RORA: variants seen among roughly 807,000 people sequenced by gnomAD.
The protein encoded by RORA is RAR related orphan receptor A.
RORA carries 7 observed loss-of-function variants against 69.5 expected under a neutral mutation model. The ratio of observed to expected loss-of-function variants is 0.10; its 90% CI spans 0.06 to 0.19. The LOEUF (loss-of-function observed/expected upper bound fraction) is 0.19. Among genes scored for constraint, RORA ranks in the 10% least tolerant of loss-of-function variants. The pLI is 1.00. For synonymous variants in RORA, 261 were observed against 240.8 expected, an observed-to-expected ratio of 1.08 and a Z score of -0.78; for missense variants, 457 against 663.0, an observed-to-expected ratio of 0.69 and a Z score of 3.41.
chr15:60,996,447 T>C (rs1293079790), intron 1 of RORA, among the ~76,000 whole-genome samples: 1 of 152,236 alleles, frequency 6.6e-6, no homozygotes, highest in African/African-American at 2.4e-5. Context: ...ACAAGATCTG[T>C]ATACTTTGTT....
chr15:61,222,868 G>A (rs1438884366), intron 1 of RORA, among the ~76,000 whole-genome samples: 1 of 152,146 alleles, frequency 6.6e-6, no homozygotes, highest in Non-Finnish European at 1.5e-5. Context: ...CAGGATTTAA[G>A]AGCCTCATGC....
intron 1 of RORA, among the ~76,000 whole-genome samples, chr15:60,888,160 CACA>C (rs2073772402): frequency 6.6e-6 from 1 of 152,234 alleles, no homozygotes; most frequent in Admixed American, 6.5e-5. Context: ...CGGCTGGATG[CACA>C]ACACTTCAAT....
intron 5 of RORA, among the ~76,000 whole-genome samples, chr15:60,508,352 T>A (rs1194398587): frequency 1.3e-5 from 2 of 152,320 alleles, no homozygotes; most frequent in Non-Finnish European, 1.5e-5. Context: ...TCTGAGTTAG[T>A]CACAGATTTT....
intron 2 of RORA, among the ~76,000 whole-genome samples, chr15:60,579,216 G>A (rs779598073): frequency 2.6e-5 from 4 of 152,006 alleles, no homozygotes; most frequent in Admixed American, 6.6e-5. Context: ...AATGGTCACC[G>A]TAGTAAAAAG....
In RORA at chr15:60,491,026, C is replaced by T. The variant is rs2065032130; in HGVS notation, c.*6429G>A. The T allele has an allele frequency of 6.6e-6, 1 of 152,218 alleles. No homozygotes were observed. Among genetic ancestry groups the T allele is most frequent in the East Asian group, 1.9e-4 (1 of 5,186 alleles). The allele number at this position is 152,218 out of a possible 1,614,324, so 9.4% of individuals were successfully genotyped here. On this transcript the variant is annotated 3_prime_UTR_variant, in exon 11 of 11. Transcript: ENST00000335670. ...ATTTATAGAAGCAGCCAGCTAATGT[C>T]CTAATGTTTAAAAATTTACCACTGT...
chr15:60,941,992 A>C (rs886744240), intron 1 of RORA, among the ~76,000 whole-genome samples: 16 of 152,312 alleles, frequency 1.1e-4, no homozygotes, highest in East Asian at 3.9e-4. Flanking sequence ...CTATGCATAA[A>C]ATCTGCTAAG....
chr15:60,929,233 T>C (rs1017701885), intron 1 of RORA, among the ~76,000 whole-genome samples: 1 of 152,198 alleles, frequency 6.6e-6, no homozygotes, highest in Non-Finnish European at 1.5e-5. Context: ...CACAGTCTGG[T>C]GCAACATGTT....
At chr15:60,913,970 G>A (rs1467723584) in intron 1 of RORA, among the ~76,000 whole-genome samples, 1 of 152,116 alleles carries the variant, frequency 6.6e-6, no homozygotes, top group East Asian at 1.9e-4. Context: ...TTCTGTTAAT[G>A]TCTGTCTCCC....
intron 5 of RORA, among the ~76,000 whole-genome samples, chr15:60,508,684 C>T (rs2065593054): frequency 6.6e-6 from 1 of 152,158 alleles, no homozygotes; most frequent in Admixed American, 6.5e-5. Flanking sequence ...AGTAGAGAAA[C>T]TACAGCTCGC....
chr15:60,935,649 C>T (rs371351471), intron 1 of RORA, among the ~76,000 whole-genome samples: 18 of 152,150 alleles, frequency 1.2e-4, no homozygotes, highest in Non-Finnish European at 1.6e-4. Context: ...TTATGTTTCC[C>T]GCCTTTTGCT....
intron 1 of RORA, among the ~76,000 whole-genome samples, chr15:60,890,026 A>T (rs2073796453): frequency 6.6e-6 from 1 of 152,210 alleles, no homozygotes; most frequent in Admixed American, 6.5e-5. Flanking sequence ...GTACTCTGGA[A>T]GGTTCCCTAC....
intron 1 of RORA, among the ~76,000 whole-genome samples, chr15:61,201,617 C>A (rs952225348): frequency 6.6e-6 from 1 of 152,152 alleles, no homozygotes; most frequent in Admixed American, 6.6e-5. Context: ...TCTGAATTAA[C>A]TAAAGTGCTT....
At chr15:60,576,097 G>A (rs2068017998) in intron 2 of RORA, among the ~76,000 whole-genome samples, 1 of 152,144 alleles carries the variant, frequency 6.6e-6, no homozygotes, top group South Asian at 2.1e-4. Context: ...ATTCTCCTCA[G>A]CCCTCCTAAT....
intron 1 of RORA, among the ~76,000 whole-genome samples, chr15:61,152,753 A>G (rs1230546474): frequency 3.3e-5 from 5 of 152,154 alleles, no homozygotes; most frequent in African/African-American, 1.2e-4. Flanking sequence ...AAAGATATTT[A>G]TTAGGTAACT....
At chr15:60,652,051 T>C (rs1344342997) in intron 2 of RORA, among the ~76,000 whole-genome samples, 1 of 151,874 alleles carries the variant, frequency 6.6e-6, no homozygotes, top group Non-Finnish European at 1.5e-5. Context: ...TTCCCGCCTC[T>C]GATCTCAACC....
At chr15:60,743,161 T>G (rs55653592) in intron 1 of RORA, among the ~76,000 whole-genome samples, 7,261 of 151,902 alleles carry the variant, frequency 0.048, 272 homozygotes, top group Middle Eastern at 0.17. Flanking sequence ...ACTACAGATA[T>G]GTACCACCAT....
At chr15:61,152,457 TTTATA>T (rs2079405780) in intron 1 of RORA, among the ~76,000 whole-genome samples, 1 of 114,042 alleles carries the variant, frequency 8.8e-6, no homozygotes, top group African/African-American at 2.7e-5. Flanking sequence ...ATATCATATA[TTTATA>T]TTTAAATGTT....
chr15:61,140,703 C>T (rs904487700), intron 1 of RORA, among the ~76,000 whole-genome samples: 11 of 152,146 alleles, frequency 7.2e-5, no homozygotes, highest in South Asian at 2.1e-4. Flanking sequence ...ATAGCAGAGG[C>T]GCAGAGCTGA....
At chr15:61,109,340 C>A (rs1408196567) in intron 1 of RORA, among the ~76,000 whole-genome samples, 1 of 152,150 alleles carries the variant, frequency 6.6e-6, no homozygotes, top group African/African-American at 2.4e-5. Flanking sequence ...AGAACAGTGG[C>A]TAGCACATTG....
Sources: allele counts gnomAD v4.1 joint callset (sites outside exome capture counted in the v4.1 genomes callset), GRCh38; gene constraint gnomAD v4.1.1; transcripts MANE v1.5; gene names NCBI Gene and HGNC (gene_info 2026-07-23, HGNC 2026-07-21).